Variants in WDR72 observed in about 807,000 individuals in gnomAD.
WDR72 encodes WD repeat domain 72, also known as WD repeat-containing protein 72.
Under a neutral mutation model 124.2 loss-of-function variants are expected in WDR72, and 120 were observed. That is an observed-to-expected ratio of 0.97 (90% CI 0.83 to 1.12). The LOEUF (loss-of-function observed/expected upper bound fraction) is 1.12. Among genes scored for constraint, WDR72 ranks in the 50% most tolerant of loss-of-function variants. WDR72 has a pLI of 0.00. For synonymous variants in WDR72, 452 were observed against 441.7 expected, an observed-to-expected ratio of 1.02 and a Z score of -0.29; for missense variants, 1,387 against 1,278.8, an observed-to-expected ratio of 1.08 and a Z score of -1.29.
chr15:53,738,165 C>A (rs1003420919), intron 1 of WDR72, among the ~76,000 whole-genome samples: 2 of 151,880 alleles, frequency 1.3e-5, no homozygotes, highest in Non-Finnish European at 2.9e-5. Context: ...TAAAATTTGC[C>A]AAATGTAGGT....
intron 14 of WDR72, among the ~76,000 whole-genome samples, chr15:53,664,803 G>C (rs1413522774): frequency 6.6e-6 from 1 of 151,934 alleles, no homozygotes; most frequent in African/African-American, 2.4e-5. Context: ...TACCAGCAAT[G>C]ATAGACACAC....
intron 14 of WDR72, among the ~76,000 whole-genome samples, chr15:53,661,548 T>A (rs574152850): frequency 2.4e-4 from 36 of 152,290 alleles, no homozygotes; most frequent in Admixed American, 1.8e-3. Flanking sequence ...AACGTAAGGT[T>A]GGAGAGGTTA....
At chr15:53,633,374 C>A (rs754978292) in intron 14 of WDR72, among the ~76,000 whole-genome samples, 18 of 152,202 alleles carry the variant, frequency 1.2e-4, no homozygotes, top group Non-Finnish European at 2.4e-4. Context: ...TCCCCAGAAG[C>A]AGCAGCCACT....
rs955677262 is a variant in WDR72 at position 53,518,940 on chromosome 15, C to T, written c.3254-1186G>A. Among the ~76,000 whole-genome samples, 4 of 150,130 alleles carry T rather than the reference C, an allele frequency of 2.7e-5. No homozygotes were observed. In the East Asian group the frequency reaches 9.0e-4, roughly 34 times the overall value. On this transcript the variant is annotated intron_variant, in intron 19 of 19. Transcript: ENST00000360509. ...AACCACAAAAATGTTCTATTAATGG[C>T]AGAATGCATACTGATTATAAACTAC...
At chr15:53,622,006 C>A (rs1051692276) in intron 14 of WDR72, among the ~76,000 whole-genome samples, 1 of 151,910 alleles carries the variant, frequency 6.6e-6, no homozygotes, top group Admixed American at 6.6e-5. Flanking sequence ...TTCGTGTGGT[C>A]AATAAACATA....
At position 53,711,435 on chromosome 15, in the gene WDR72, C is replaced by T. The variant is rs1567042718; in HGVS notation, c.758G>A (p.Arg253Lys). ...DFSLLLTEVS[R>K]NGQFFAGGEV... Reference sequence around the variant, plus strand: ...TCCACCAGCAAAGAACTGCCCATTTCTACTAACTTCAGTCAGCAGAAGGGA... The same window carrying T: ...TCCACCAGCAAAGAACTGCCCATTTTTACTAACTTCAGTCAGCAGAAGGGA... The change falls in exon 8 of 20, where the codon AGA becomes AAA. Residue 253 changes from arginine (R) to lysine (K), a missense_variant. Transcript: ENST00000360509. 1.2e-6 allele frequency: 2 copies of T among 1,614,100 alleles called. No homozygotes were observed. The highest frequency in any genetic ancestry group is 1.7e-6 in the Non-Finnish European group (2 of 1,180,032).
intron 17 of WDR72, among the ~76,000 whole-genome samples, chr15:53,604,168 A>G (rs989826904): frequency 6.6e-6 from 1 of 152,190 alleles, no homozygotes; most frequent in Admixed American, 6.5e-5. Context: ...GAACCCAGAA[A>G]TAAGATCACA....
At chr15:53,623,564 C>A (rs1051095915) in intron 14 of WDR72, among the ~76,000 whole-genome samples, 1 of 151,926 alleles carries the variant, frequency 6.6e-6, no homozygotes, top group Non-Finnish European at 1.5e-5. Flanking sequence ...ATTGTTGATG[C>A]GCACCTAGGT....
At chr15:53,695,197 A>G (rs1034792951) in intron 13 of WDR72, among the ~76,000 whole-genome samples, 3 of 152,230 alleles carry the variant, frequency 2.0e-5, no homozygotes, top group African/African-American at 7.2e-5. Flanking sequence ...TTCCCAACAC[A>G]GTTTGTACAC....
chr15:53,733,235 C>T (rs2018255681), intron 1 of WDR72, 74 bp from the exon 2 acceptor site: 1 of 1,526,090 alleles, frequency 6.6e-7, no homozygotes, highest in African/African-American at 1.4e-5. Flanking sequence ...ATATTACAAG[C>T]AGATTTATGA....
intron 14 of WDR72, among the ~76,000 whole-genome samples, chr15:53,622,456 A>G (rs906246491): frequency 5.9e-5 from 9 of 151,892 alleles, no homozygotes; most frequent in Non-Finnish European, 1.0e-4. Context: ...ATAAAAAAGA[A>G]TGAGATGTGT....
Position 53,681,748 on chromosome 15 carries a change from C to T in WDR72, c.1766-15980G>A, listed in dbSNP as rs529435965. The stretch of plus-strand genomic sequence containing the variant: ...GCATACAAAATGTTCTGAAGACATC[C>T]TGCAAATACCACAATAATATGCCTA... On this transcript the variant is annotated intron_variant, in intron 13 of 19. Coordinates refer to ENST00000360509, the MANE Select transcript of WDR72 (RefSeq NM_182758.4). 2.0e-5 allele frequency among the ~76,000 whole-genome samples: 3 copies of T among 152,054 alleles called. 1 individual carries two copies. Among genetic ancestry groups the T allele is most frequent in the African/African-American group, 7.2e-5 (3 of 41,500 alleles).
intron 13 of WDR72, among the ~76,000 whole-genome samples, chr15:53,671,854 G>A (rs1281326584): frequency 6.6e-6 from 1 of 151,988 alleles, no homozygotes; most frequent in Admixed American, 6.6e-5. Flanking sequence ...AACAGAAGAT[G>A]CTAGTCTAAA....
intron 2 of WDR72, among the ~76,000 whole-genome samples, chr15:53,725,610 A>G (rs1365098669): frequency 6.6e-6 from 1 of 152,230 alleles, no homozygotes; most frequent in African/African-American, 2.4e-5. Flanking sequence ...ACAATGAAAT[A>G]TTACTCAGCG....
intron 14 of WDR72, among the ~76,000 whole-genome samples, chr15:53,647,221 T>C (rs1488531809): frequency 6.6e-6 from 1 of 152,120 alleles, no homozygotes; most frequent in Non-Finnish European, 1.5e-5. Context: ...GACACCAAAT[T>C]CTGAATTATA....
At chr15:53,523,890 T>C (rs1456039740) in intron 18 of WDR72, among the ~76,000 whole-genome samples, 2 of 152,108 alleles carry the variant, frequency 1.3e-5, no homozygotes, top group East Asian at 1.9e-4. Context: ...AGAAGGGCTA[T>C]TGTTTCAAAT....
intron 1 of WDR72, chr15:53,759,336 A>G (rs937219946): frequency 1.3e-5 from 2 of 152,238 alleles, no homozygotes; most frequent in African/African-American, 4.8e-5. Context: ...GAGCATAGGT[A>G]GGGATACTGC....
intron 1 of WDR72, among the ~76,000 whole-genome samples, chr15:53,742,120 C>T (rs1317031004): frequency 2.0e-5 from 3 of 152,162 alleles, no homozygotes; most frequent in Non-Finnish European, 4.4e-5. Context: ...TGATTAAAAG[C>T]TTGCACATAT....
chr15:53,666,558 A>G (rs2015786509), intron 13 of WDR72, among the ~76,000 whole-genome samples: 1 of 152,198 alleles, frequency 6.6e-6, no homozygotes, highest in Non-Finnish European at 1.5e-5. Context: ...GTTCATTTGT[A>G]TTATTCATAC....
Sources: gnomAD v4.1 joint callset for allele counts (sites outside exome capture counted in the v4.1 genomes callset) on GRCh38, gnomAD v4.1.1 for gene constraint, MANE v1.5 for transcripts, NCBI Gene and HGNC (gene_info 2026-07-23, HGNC 2026-07-21) for gene names.